SIM1: variants seen among roughly 807,000 people sequenced by gnomAD.
SIM1 encodes the protein single-minded homolog 1.
In SIM1, 18 loss-of-function variants were observed where a neutral mutation model predicts 78.2. The observed-to-expected ratio is 0.23, with a 90% CI of 0.16 to 0.34. The LOEUF (loss-of-function observed/expected upper bound fraction) is 0.34, where lower values mean the gene tolerates loss of function less well. SIM1 is among the 10% of genes least tolerant of loss of function. The pLI, the probability that SIM1 is intolerant of heterozygous loss-of-function variation, is 1.00. For missense variants in SIM1, 939 were observed against 975.1 expected (o/e 0.96, Z 0.49); for synonymous variants, 417 against 385.2 (o/e 1.08, Z -0.97).
chr6:100,458,013 T>TCTCC (rs1562064172), intron 2 of SIM1, among the ~76,000 whole-genome samples: 549 of 12,400 alleles, frequency 0.044, 34 homozygotes, highest in Non-Finnish European at 0.098. Flanking sequence ...TCTTTCTCTC[T>TCTCC]CTCTCTCTCT....
rs559461224 is a variant in SIM1, at chr6:100,447,178, C to G, written c.998+90G>C. ...AAAATGGCATTCCCCGTGGCCCGAG[C>G]CTTGTCTAACCCGGCCGTGCCGCCA... is the stretch of plus-strand genomic sequence containing the variant. On this transcript the variant is annotated intron_variant, in intron 9 of 11. Coordinates refer to ENST00000369208, the MANE Select transcript of SIM1 (RefSeq NM_005068.3). 2.7e-6 allele frequency: 4 copies of G among 1,476,842 alleles called. No homozygotes were observed. In the African/African-American group the frequency reaches 5.6e-5, roughly 21 times the overall value. The allele number at this position is 1,476,842 out of a possible 1,614,324, so 91.5% of individuals were successfully genotyped here.
At chr6:100,395,678 T>C (rs1023319470) in intron 10 of SIM1, among the ~76,000 whole-genome samples, 5 of 152,136 alleles carry the variant, frequency 3.3e-5, no homozygotes, top group African/African-American at 2.4e-5. Flanking sequence ...TTGTCGCCCA[T>C]GATGAGAACT....
At chr6:100,431,838 T>A (rs1771909515) in intron 9 of SIM1, among the ~76,000 whole-genome samples, 1 of 152,216 alleles carries the variant, frequency 6.6e-6, no homozygotes, top group African/African-American at 2.4e-5. Context: ...TATTTTAATC[T>A]ATTTGTCTTA....
intron 9 of SIM1, among the ~76,000 whole-genome samples, chr6:100,440,782 A>G (rs1772192051): frequency 6.6e-6 from 1 of 152,196 alleles, no homozygotes; most frequent in Non-Finnish European, 1.5e-5. Flanking sequence ...AAGAACAGAG[A>G]AGGAAGTATT....
At position 100,459,104 on chromosome 6, in the gene SIM1, A is replaced by G. The variant is rs539380931; in HGVS notation, c.175+4190T>C. Among the ~76,000 whole-genome samples, 24 of 152,316 alleles carry G rather than the reference A, an allele frequency of 1.6e-4. No homozygotes were observed. In the South Asian group the frequency reaches 5.0e-3, roughly 32 times the overall value. On this transcript the variant is annotated intron_variant, in intron 2 of 11. Transcript: ENST00000369208. ...TCCCAAGATTTCTTAGAACTGGACAACAACTCCCCTAGAAATTAGATTTGT... is the reference window on the plus strand; with the variant it reads ...TCCCAAGATTTCTTAGAACTGGACAGCAACTCCCCTAGAAATTAGATTTGT...
chr6:100,395,668 T>C (rs1770748571), intron 10 of SIM1, among the ~76,000 whole-genome samples: 1 of 152,184 alleles, frequency 6.6e-6, no homozygotes, highest in Non-Finnish European at 1.5e-5. Context: ...TGCTGTTCCC[T>C]TGTCGCCCAT....
chr6:100,396,814 T>C (rs888850272), intron 10 of SIM1, among the ~76,000 whole-genome samples: 3 of 152,144 alleles, frequency 2.0e-5, no homozygotes, highest in Non-Finnish European at 4.4e-5. Flanking sequence ...CATTAAATAT[T>C]TGAGGAAAGA....
Position 100,447,257 on chromosome 6 carries a change from C to T in SIM1, c.998+11G>A. Reference sequence around the variant, plus strand: ...CTGGGGTGGGTGAAGGGGTCTCAGTCTTGCACTCACGTGAGGACATAGTTG... The same window carrying T: ...CTGGGGTGGGTGAAGGGGTCTCAGTTTTGCACTCACGTGAGGACATAGTTG... On this transcript the variant is annotated intron_variant, in intron 9 of 11. Coordinates refer to ENST00000369208, the MANE Select transcript of SIM1 (RefSeq NM_005068.3). The T allele has an allele frequency of 6.2e-7, 1 of 1,613,946 alleles. No homozygotes were observed. The highest frequency in any genetic ancestry group is 8.5e-7 in the Non-Finnish European group (1 of 1,179,870).
chr6:100,447,855 T>C (rs1235979188), intron 8 of SIM1, among the ~76,000 whole-genome samples: 2 of 152,242 alleles, frequency 1.3e-5, no homozygotes, highest in Non-Finnish European at 2.9e-5. Context: ...TTTAGTGTGG[T>C]TCACAGATGT....
chr6:100,441,398 G>T (rs773224345), intron 9 of SIM1, among the ~76,000 whole-genome samples: 1 of 152,096 alleles, frequency 6.6e-6, no homozygotes, highest in African/African-American at 2.4e-5. Context: ...GCAGAAAAGG[G>T]TCAATTCCTT....
At chr6:100,420,713 G>A (rs938355186) in intron 10 of SIM1, 77 bp downstream of exon 10, 144 of 1,390,528 alleles carry the variant, frequency 1.0e-4, no homozygotes, top group Non-Finnish European at 1.4e-4. Context: ...ATTCCAAATA[G>A]TTTTAATACT....
intron 9 of SIM1, among the ~76,000 whole-genome samples, chr6:100,422,018 G>A (rs1771601574): frequency 6.6e-6 from 1 of 152,064 alleles, no homozygotes; most frequent in Non-Finnish European, 1.5e-5. Flanking sequence ...CCCAAGCCCT[G>A]AGTCTGATTT....
At chr6:100,434,259 AC>A (rs925746420) in intron 9 of SIM1, among the ~76,000 whole-genome samples, 4 of 152,162 alleles carry the variant, frequency 2.6e-5, no homozygotes, top group Non-Finnish European at 5.9e-5. Context: ...CTGAGCTGTA[AC>A]CCTGCAAGGG....
intron 9 of SIM1, among the ~76,000 whole-genome samples, chr6:100,432,677 G>T (rs1170985598): frequency 2.0e-5 from 3 of 152,202 alleles, no homozygotes; most frequent in East Asian, 3.9e-4. Flanking sequence ...GCAGGGTTTA[G>T]TCTTCAGGAT....
At position 100,389,953 on chromosome 6, in the gene SIM1, A is replaced by C; in HGVS notation, c.*408T>G. 2.5e-6 allele frequency: 1 copy of C among 392,318 alleles called. No homozygotes were observed. The highest frequency in any genetic ancestry group is 4.2e-5 in the Admixed American group (1 of 23,586). The allele number at this position is 392,318 out of a possible 1,614,324, so 24.3% of individuals were successfully genotyped here. ...CCCATTTTTGATGTATTTACATTAC[A>C]TAGCCTATATTTCCATATGTAAAAT... On this transcript the variant is annotated 3_prime_UTR_variant, in exon 12 of 12. Coordinates refer to ENST00000369208, the MANE Select transcript of SIM1 (RefSeq NM_005068.3).
In SIM1 at chr6:100,453,395, G is replaced by C. The variant is rs564392935; in HGVS notation, c.258+367C>G. ...ATTTCCTTTGGAAATCCTTCATTTG[G>C]GATGGTTCTGTGGCCTTGCCTCTTC... On this transcript the variant is annotated intron_variant, in intron 3 of 11. Coordinates refer to ENST00000369208, the MANE Select transcript of SIM1 (RefSeq NM_005068.3). 2.0e-5 allele frequency among the ~76,000 whole-genome samples: 3 copies of C among 152,242 alleles called. No individual in the cohort carries two copies. The South Asian group carries it at 6.2e-4, about 32-fold the overall frequency.
At chr6:100,449,559 G>T (rs769562912) in intron 5 of SIM1, 32 bp downstream of exon 5, 4 of 1,594,550 alleles carry the variant, frequency 2.5e-6, no homozygotes, top group South Asian at 1.1e-5. Context: ...ACTGCGATGG[G>T]CCTGAGCGTC....
chr6:100,424,537 G>A (rs1364814560), intron 9 of SIM1, among the ~76,000 whole-genome samples: 1 of 152,072 alleles, frequency 6.6e-6, no homozygotes, highest in Non-Finnish European at 1.5e-5. Context: ...CCCAGCTCAA[G>A]TGATCCTCCC....
chr6:100,409,167 A>G (rs1426595599), intron 10 of SIM1, among the ~76,000 whole-genome samples: 1 of 152,102 alleles, frequency 6.6e-6, no homozygotes, highest in African/African-American at 2.4e-5. Context: ...GGTTAGTTAC[A>G]TATGTATACA....
Sources: allele counts gnomAD v4.1 joint callset (sites outside exome capture counted in the v4.1 genomes callset), GRCh38; gene constraint gnomAD v4.1.1; transcripts MANE v1.5; gene names NCBI Gene and HGNC (gene_info 2026-07-23, HGNC 2026-07-21).